Variants in SYBU observed in about 807,000 individuals in gnomAD.
SYBU encodes the protein GOLSYN A protein.
SYBU carries 21 observed loss-of-function variants against 35.9 expected under a neutral mutation model. The ratio of observed to expected loss-of-function variants is 0.58; its 90% CI spans 0.41 to 0.84. The LOEUF (loss-of-function observed/expected upper bound fraction) is 0.84. Among genes scored for constraint, SYBU ranks in the 40% least tolerant of loss-of-function variants. The pLI is 0.00. For missense variants in SYBU, 768 were observed against 848.2 expected (o/e 0.91, Z 1.17); for synonymous variants, 319 against 324.3 (o/e 0.98, Z 0.18).
chr8:109,644,669 G>T lies in SYBU; in HGVS notation c.-10C>A. 1 of 1,517,738 alleles carries T rather than the reference G, an allele frequency of 6.6e-7. No homozygotes were observed. The highest frequency in any genetic ancestry group is 8.8e-7 in the Non-Finnish European group (1 of 1,139,942). The allele number at this position is 1,517,738 out of a possible 1,614,324, so 94.0% of individuals were successfully genotyped here. ...CGCGGAGGGGCCCCATCGCGCCGCT[G>T]CCCGCCGGCTCCTCGCGCCGCCGCT... On this transcript the variant is annotated 5_prime_UTR_variant, in exon 1 of 7. Transcript: ENST00000276646.
At chr8:109,644,114 T>A (rs768869954) in intron 1 of SYBU, 6 of 457,168 alleles carry the variant, frequency 1.3e-5, no homozygotes, top group South Asian at 9.3e-5. Context: ...AATTGAAGGG[T>A]AAACCTCAGC....
chr8:109,582,640 G>A (rs1823169213), intron 4 of SYBU, among the ~76,000 whole-genome samples: 1 of 152,074 alleles, frequency 6.6e-6, no homozygotes, highest in Non-Finnish European at 1.5e-5. Context: ...TGGACTTCAG[G>A]TAATATCATC....
chr8:109,579,053 C>T (rs907096716), intron 5 of SYBU, among the ~76,000 whole-genome samples: 16 of 152,040 alleles, frequency 1.1e-4, no homozygotes, highest in African/African-American at 3.9e-4. Context: ...AGCTGACTGA[C>T]GAGAATAGGG....
intron 1 of SYBU, among the ~76,000 whole-genome samples, chr8:109,668,531 TTGTC>T (rs1816851110): frequency 6.6e-6 from 1 of 152,188 alleles, no homozygotes. Context: ...TCTTCCACCT[TTGTC>T]TGTCTGTATG....
chr8:109,690,370 G>A (rs1358309313), intron 1 of SYBU, among the ~76,000 whole-genome samples: 2 of 152,174 alleles, frequency 1.3e-5, no homozygotes, highest in Admixed American at 1.3e-4. Flanking sequence ...TTCCTAACAT[G>A]TGCCTACTGA....
chr8:109,644,579 C>T (rs888649809), intron 1 of SYBU, 57 bp downstream of exon 1: 6 of 1,528,828 alleles, frequency 3.9e-6, no homozygotes, highest in Non-Finnish European at 4.4e-6. Context: ...CCGCTTCTCG[C>T]CCCGCAGTGC....
intron 3 of SYBU, among the ~76,000 whole-genome samples, chr8:109,617,006 C>T (rs1207850190): frequency 6.6e-6 from 1 of 152,018 alleles, no homozygotes; most frequent in Non-Finnish European, 1.5e-5. Context: ...CATGGTGGCG[C>T]TTGCCTGTAG....
upstream of SYBU, among the ~76,000 whole-genome samples, chr8:109,684,068 A>G (rs1326196819): frequency 6.6e-6 from 1 of 152,218 alleles, no homozygotes; most frequent in African/African-American, 2.4e-5. Flanking sequence ...GAACAAACTA[A>G]TACACTTCAC....
intron 3 of SYBU, among the ~76,000 whole-genome samples, chr8:109,606,941 C>A (rs1242108910): frequency 6.6e-6 from 1 of 152,156 alleles, no homozygotes; most frequent in Non-Finnish European, 1.5e-5. Context: ...AGATGAATTT[C>A]TCTTATACTA....
At chr8:109,646,801 C>T (rs192721908), upstream of SYBU, 2 of 152,324 alleles carry the variant, frequency 1.3e-5, no homozygotes, top group East Asian at 3.9e-4. Context: ...ACTTTTTTCT[C>T]TCATTCACCT....
chr8:109,605,837 C>CT (rs753312086), intron 3 of SYBU, among the ~76,000 whole-genome samples: 1 of 152,024 alleles, frequency 6.6e-6, no homozygotes, highest in Non-Finnish European at 1.5e-5. Flanking sequence ...AATGAAATTG[C>CT]TTTTTTTCAA....
At chr8:109,639,778 C>G (rs1814648992) in intron 2 of SYBU, among the ~76,000 whole-genome samples, 2 of 152,188 alleles carry the variant, frequency 1.3e-5, no homozygotes, top group South Asian at 2.1e-4. Flanking sequence ...GAGCGATTTC[C>G]CCCTGCTGGT....
chr8:109,670,683 T>A (rs1211208560), intron 1 of SYBU, among the ~76,000 whole-genome samples: 1 of 152,140 alleles, frequency 6.6e-6, no homozygotes, highest in Non-Finnish European at 1.5e-5. Flanking sequence ...AAACATAAGA[T>A]CTTTAAATAA....
At chr8:109,669,324 A>C (rs1296608996) in intron 1 of SYBU, among the ~76,000 whole-genome samples, 1 of 130,100 alleles carries the variant, frequency 7.7e-6, no homozygotes, top group African/African-American at 3.1e-5. Flanking sequence ...CCTGGGCGAC[A>C]GAGTGAGACT....
intron 1 of SYBU, among the ~76,000 whole-genome samples, chr8:109,658,320 T>C (rs998216392): frequency 1.3e-5 from 2 of 152,232 alleles, no homozygotes; most frequent in Non-Finnish European, 2.9e-5. Flanking sequence ...GCCTGTCCTA[T>C]TTTTCTGCTA....
At chr8:109,583,313 T>C (rs535182902) in intron 4 of SYBU, among the ~76,000 whole-genome samples, 1 of 152,306 alleles carries the variant, frequency 6.6e-6, no homozygotes, top group African/African-American at 2.4e-5. Context: ...TGATAAATAA[T>C]GGAGGCTAAC....
chr8:109,591,679 T>G (rs997878907), intron 3 of SYBU, among the ~76,000 whole-genome samples: 2 of 150,108 alleles, frequency 1.3e-5, no homozygotes, highest in Non-Finnish European at 3.0e-5. Flanking sequence ...GCCCGGCTAA[T>G]TTTTTTGTAT....
At chr8:109,663,634 T>G (rs1190379455) in intron 1 of SYBU, among the ~76,000 whole-genome samples, 3 of 152,296 alleles carry the variant, frequency 2.0e-5, no homozygotes, top group Admixed American at 6.5e-5. Flanking sequence ...GGTGGTACTT[T>G]ATTATTCCTT....
intron 4 of SYBU, among the ~76,000 whole-genome samples, chr8:109,585,567 C>T (rs763780510): frequency 7.9e-5 from 12 of 152,122 alleles, no homozygotes; most frequent in Non-Finnish European, 1.5e-4. Flanking sequence ...TGCCTATGAA[C>T]GTTACTACAC....
Sources: allele counts gnomAD v4.1 joint callset (sites outside exome capture counted in the v4.1 genomes callset), GRCh38; gene constraint gnomAD v4.1.1; transcripts MANE v1.5; gene names NCBI Gene and HGNC (gene_info 2026-07-23, HGNC 2026-07-21).